The following CDKAL1 variants were observed in gnomAD, a reference collection of about 807,000 sequenced individuals.
The protein encoded by CDKAL1 is threonylcarbamoyladenosine tRNA methylthiotransferase.
A neutral mutation model predicts 68.2 loss-of-function variants in CDKAL1; 32 were observed. That is an observed-to-expected ratio of 0.47 (90% confidence interval 0.35 to 0.63). CDKAL1 has a LOEUF of 0.63. CDKAL1 is among the 30% of genes least tolerant of loss of function. CDKAL1 has a pLI of 0.00. For synonymous variants in CDKAL1, 234 were observed against 244.3 expected (o/e 0.96, Z 0.39); for missense variants, 606 against 696.7 (o/e 0.87, Z 1.47).
chr6:20,618,641 A>G (rs1023990611), intron 4 of CDKAL1, among the ~76,000 whole-genome samples: 13 of 152,040 alleles, frequency 8.6e-5, no homozygotes, highest in African/African-American at 3.1e-4. Flanking sequence ...CCAGAATTAT[A>G]CCACTAAGAT....
At chr6:20,638,668 G>GT (rs1768018449) in intron 4 of CDKAL1, among the ~76,000 whole-genome samples, 1 of 149,096 alleles carries the variant, frequency 6.7e-6, no homozygotes, top group South Asian at 2.1e-4. Context: ...CTGGAGTGCA[G>GT]TGGCGCGATC....
chr6:21,036,660 A>G (rs982664750), intron 11 of CDKAL1, among the ~76,000 whole-genome samples: 4 of 152,210 alleles, frequency 2.6e-5, no homozygotes, highest in South Asian at 2.1e-4. Context: ...GTTGTAACAT[A>G]TAGCAGATTC....
Position 21,191,992 on chromosome 6 carries a change from CTTTTTTTTTTTTTTTTTTTT to C in CDKAL1, c.1300-6008_1300-5989del, listed in dbSNP as rs145894251. Among the ~76,000 whole-genome samples the C allele has an allele frequency of 4.7e-3, 163 of 34,530 alleles. 1 individual carries two copies. The highest frequency in any genetic ancestry group is 6.2e-3 in the Non-Finnish European group (114 of 18,288). 22.7% of individuals were successfully genotyped at this position (34,530 alleles called of 152,430 possible). A position where few individuals can be genotyped will look rare whatever the true frequency, so the allele number is the denominator to read the frequency against. ...AGGAATATTTTTATAATTCATTTTTCTTTTTTTTTTTTTTTTTTTTTTTTTTTTTTTTTTTTTTTTGAGAC... is the reference window on the plus strand; with the variant it reads ...AGGAATATTTTTATAATTCATTTTTCTTTTTTTTTTTTTTTTTTTTGAGAC... On this transcript the variant is annotated intron_variant, in intron 13 of 15. Transcript: ENST00000274695.
intron 4 of CDKAL1, among the ~76,000 whole-genome samples, chr6:20,570,880 A>G (rs1764673462): frequency 6.6e-6 from 1 of 152,158 alleles, no homozygotes; most frequent in South Asian, 2.1e-4. Context: ...ATTTAGTGCA[A>G]TATCTTTATT....
intron 8 of CDKAL1, among the ~76,000 whole-genome samples, chr6:20,814,699 A>G (rs1776969804): frequency 6.6e-6 from 1 of 152,208 alleles, no homozygotes; most frequent in African/African-American, 2.4e-5. Flanking sequence ...TGCCCTATGT[A>G]TTAGGAAATC....
At chr6:21,152,700 A>G (rs1776468490) in intron 13 of CDKAL1, among the ~76,000 whole-genome samples, 1 of 152,252 alleles carries the variant, frequency 6.6e-6, no homozygotes, top group Non-Finnish European at 1.5e-5. Flanking sequence ...TAACTGTAAT[A>G]TCCTCAATGC....
At chr6:20,806,339 G>A (rs1363871689) in intron 8 of CDKAL1, among the ~76,000 whole-genome samples, 1 of 152,134 alleles carries the variant, frequency 6.6e-6, no homozygotes. Flanking sequence ...TTATGGCTTT[G>A]TAGTATTCCA....
intron 9 of CDKAL1, among the ~76,000 whole-genome samples, chr6:20,881,075 A>C (rs1760789143): frequency 6.6e-6 from 1 of 152,206 alleles, no homozygotes; most frequent in Non-Finnish European, 1.5e-5. Context: ...CTATTCATTA[A>C]ACAGACTATT....
intron 13 of CDKAL1, among the ~76,000 whole-genome samples, chr6:21,169,921 A>ACCCCCCCCCCCCCCC (rs57265201): frequency 7.8e-6 from 1 of 127,756 alleles, no homozygotes; most frequent in African/African-American, 3.1e-5. Context: ...TACGGGAAAG[A>ACCCCCCCCCCCCCCC]CCCCCCCCAC....
chr6:20,896,322 T>C (rs9295486), intron 9 of CDKAL1, among the ~76,000 whole-genome samples: 52,574 of 151,882 alleles, frequency 0.35, 10,459 homozygotes, highest in Non-Finnish European at 0.43. Context: ...ATGGTCTCGA[T>C]CTCTTGACCT....
intron 2 of CDKAL1, among the ~76,000 whole-genome samples, chr6:20,537,851 G>A (rs1423456622): frequency 6.7e-6 from 1 of 150,056 alleles, no homozygotes; most frequent in African/African-American, 2.5e-5. Context: ...ATTTCCATAT[G>A]ATTTAATTAA....
At chr6:21,017,133 A>G (rs1174453019) in intron 11 of CDKAL1, among the ~76,000 whole-genome samples, 2 of 152,096 alleles carry the variant, frequency 1.3e-5, no homozygotes. Flanking sequence ...TCTCTCCATT[A>G]TGGCACATAC....
At chr6:20,740,771 A>G in intron 6 of CDKAL1, among the ~76,000 whole-genome samples, 1 of 152,154 alleles carries the variant, frequency 6.6e-6, no homozygotes, top group East Asian at 1.9e-4. Context: ...CTCACTTTCA[A>G]CAAACAGAAC....
chr6:20,889,978 C>A (rs1761303597), intron 9 of CDKAL1, among the ~76,000 whole-genome samples: 1 of 151,964 alleles, frequency 6.6e-6, no homozygotes, highest in African/African-American at 2.4e-5. Context: ...GGTCTCACAC[C>A]CCTGGGCTCT....
chr6:20,745,519 T>A (rs1425060868), intron 6 of CDKAL1, among the ~76,000 whole-genome samples: 2 of 152,180 alleles, frequency 1.3e-5, no homozygotes, highest in African/African-American at 4.8e-5. Context: ...AAACACCCAT[T>A]TATGTTTTTC....
intron 2 of CDKAL1, among the ~76,000 whole-genome samples, chr6:20,537,562 T>C (rs1231361444): frequency 6.7e-6 from 1 of 149,722 alleles, no homozygotes; most frequent in Non-Finnish European, 1.5e-5. Flanking sequence ...GCCGAGATCG[T>C]GCCATTGCAC....
intron 5 of CDKAL1, among the ~76,000 whole-genome samples, chr6:20,654,036 C>T (rs562973235): frequency 3.6e-4 from 54 of 150,742 alleles, no homozygotes; most frequent in Non-Finnish European, 7.1e-4. Context: ...CATGAGCCAC[C>T]GCGCCTAGTC....
chr6:21,206,928 TC>T (rs59000702), intron 15 of CDKAL1, among the ~76,000 whole-genome samples: 37,613 of 150,020 alleles, frequency 0.25, 4,928 homozygotes, highest in Non-Finnish European at 0.28. Context: ...TACTTTAATT[TC>T]TTTTTTTTTT....
intron 9 of CDKAL1, among the ~76,000 whole-genome samples, chr6:20,918,566 A>C (rs1762818931): frequency 2.0e-5 from 3 of 152,226 alleles, no homozygotes; most frequent in Non-Finnish European, 2.9e-5. Context: ...AAGCATGAAG[A>C]AGAATAAAAC....
Sources: gnomAD v4.1 joint callset for allele counts (sites outside exome capture counted in the v4.1 genomes callset) on GRCh38, gnomAD v4.1.1 for gene constraint, MANE v1.5 for transcripts, NCBI Gene and HGNC (gene_info 2026-07-23, HGNC 2026-07-21) for gene names.